Variants in ARAP2 observed in about 807,000 individuals in gnomAD.
The protein encoded by ARAP2 is arf-GAP with Rho-GAP domain, ANK repeat and PH domain-containing protein 2.
In ARAP2, 148 loss-of-function variants were observed where a neutral mutation model predicts 194.5. That is an observed-to-expected ratio of 0.76 (90% CI 0.67 to 0.87). The LOEUF (loss-of-function observed/expected upper bound fraction) is 0.87, where lower values mean the gene tolerates loss of function less well. ARAP2 is among the 40% of genes least tolerant of loss of function. The probability of loss-of-function intolerance (pLI) is 0.00; values close to 1 mark genes in which losing one functional copy is unlikely to be tolerated. For synonymous variants in ARAP2, 695 were observed against 683.5 expected (o/e 1.02, Z -0.26); for missense variants, 2,128 against 1,989.7 (o/e 1.07, Z -1.32).
intron 22 of ARAP2, among the ~76,000 whole-genome samples, chr4:36,122,017 C>T (rs1230753027): frequency 2.0e-5 from 3 of 151,128 alleles, no homozygotes; most frequent in East Asian, 2.0e-4. Context: ...AAACTGTTTA[C>T]GAATAAGTAT....
At chr4:36,133,555 A>T (rs1215462765) in intron 19 of ARAP2, among the ~76,000 whole-genome samples, 166 bp from the exon 20 acceptor site, 2 of 151,736 alleles carry the variant, frequency 1.3e-5, no homozygotes, top group African/African-American at 4.8e-5. Flanking sequence ...GCATAGTCAC[A>T]TCACTCCATA....
chr4:36,188,634 T>G (rs562117194), intron 7 of ARAP2, among the ~76,000 whole-genome samples: 1 of 152,256 alleles, frequency 6.6e-6, no homozygotes, highest in Non-Finnish European at 1.5e-5. Context: ...CAAGGACACA[T>G]TATAGAAGGT....
intron 26 of ARAP2, among the ~76,000 whole-genome samples, chr4:36,113,601 T>A (rs1056686778): frequency 6.6e-6 from 1 of 151,788 alleles, no homozygotes; most frequent in Admixed American, 6.6e-5. Flanking sequence ...TGTGTATTAT[T>A]TTTTTTTCTG....
chr4:36,169,685 C>A (rs952108002), intron 9 of ARAP2, among the ~76,000 whole-genome samples: 1 of 152,098 alleles, frequency 6.6e-6, no homozygotes, highest in Non-Finnish European at 1.5e-5. Flanking sequence ...GTGTGCACCA[C>A]CAGGCCCAGC....
At chr4:36,178,045 T>A (rs376646938) in intron 8 of ARAP2, 40 bp from the exon 9 acceptor site, 33 of 1,525,970 alleles carry the variant, frequency 2.2e-5, no homozygotes, top group Non-Finnish European at 2.8e-5. Context: ...AATCCACATA[T>A]AAGTTACATA....
intron 9 of ARAP2, among the ~76,000 whole-genome samples, chr4:36,010,025 T>C (rs572955294): frequency 6.6e-6 from 1 of 152,124 alleles, no homozygotes; most frequent in Admixed American, 6.5e-5. Context: ...TCCTCAGTTG[T>C]ATACTGTACT....
intron 2 of ARAP2, among the ~76,000 whole-genome samples, chr4:36,215,921 T>A (rs1349698792): frequency 6.6e-6 from 1 of 151,982 alleles, no homozygotes; most frequent in Non-Finnish European, 1.5e-5. Context: ...TAGAGAGACC[T>A]TGTCTCTACA....
chr4:36,037,409 A>C (rs948996635), intron 5 of ARAP2, among the ~76,000 whole-genome samples: 2 of 152,200 alleles, frequency 1.3e-5, no homozygotes, highest in Non-Finnish European at 2.9e-5. Flanking sequence ...AGAGGAGATT[A>C]GCCATGCATG....
chr4:36,134,480 G>A (rs1726179665), intron 19 of ARAP2, among the ~76,000 whole-genome samples: 2 of 151,516 alleles, frequency 1.3e-5, no homozygotes, highest in Non-Finnish European at 3.0e-5. Flanking sequence ...AGATCTTCAT[G>A]TTGTTCTTTC....
chr4:36,088,873 A>T (rs1424739492), intron 28 of ARAP2, among the ~76,000 whole-genome samples: 1 of 152,148 alleles, frequency 6.6e-6, no homozygotes, highest in African/African-American at 2.4e-5. Flanking sequence ...GCATCTCCAC[A>T]ACAGAACACA....
chr4:36,187,695 C>A, intron 7 of ARAP2, 124 bp from the exon 8 acceptor site: 2 of 741,744 alleles, frequency 2.7e-6, no homozygotes, highest in South Asian at 3.3e-5. Flanking sequence ...TTTTTAAATG[C>A]CATACAAGTA....
chr4:36,239,285 G>GT (rs1753052316), intron 1 of ARAP2, among the ~76,000 whole-genome samples: 1 of 151,870 alleles, frequency 6.6e-6, no homozygotes, highest in African/African-American at 2.4e-5. Flanking sequence ...AGAAGAGAAA[G>GT]TATTAACACA....
At chr4:36,052,876 G>A (rs565869250) in intron 2 of ARAP2, among the ~76,000 whole-genome samples, 1 of 152,312 alleles carries the variant, frequency 6.6e-6, no homozygotes, top group Admixed American at 6.5e-5. Flanking sequence ...GCTGAAGCTG[G>A]AGAATGGTGA....
chr4:36,108,165 TG>T (rs1485530947), intron 26 of ARAP2, among the ~76,000 whole-genome samples: 1 of 151,872 alleles, frequency 6.6e-6, no homozygotes, highest in Non-Finnish European at 1.5e-5. Context: ...CCCAAAGTGG[TG>T]GGATGAACAG....
intron 30 of ARAP2, among the ~76,000 whole-genome samples, chr4:36,081,838 T>C (rs905690077): frequency 1.3e-5 from 2 of 151,786 alleles, no homozygotes; most frequent in African/African-American, 4.8e-5. Flanking sequence ...TAGTACAATC[T>C]CTAGAAATAC....
chr4:36,178,140 C>G, intron 8 of ARAP2, 135 bp from the exon 9 acceptor site: 1 of 723,526 alleles, frequency 1.4e-6, no homozygotes, highest in African/African-American at 1.8e-5. Context: ...CTAAATGCTA[C>G]TGTAAACAGA....
At chr4:36,160,404 C>T in intron 13 of ARAP2, 55 bp downstream of exon 13, 1 of 1,382,358 alleles carries the variant, frequency 7.2e-7, no homozygotes, top group Non-Finnish European at 9.5e-7. Flanking sequence ...AGAATCTTGG[C>T]ACATCATTAA....
intron 5 of ARAP2, among the ~76,000 whole-genome samples, chr4:36,020,642 C>A (rs949813688): frequency 1.3e-5 from 2 of 152,140 alleles, no homozygotes; most frequent in African/African-American, 2.4e-5. Flanking sequence ...CTGCATCATT[C>A]CATGAAATAT....
At chr4:36,127,028 G>T (rs1472660278) in intron 21 of ARAP2, among the ~76,000 whole-genome samples, 1 of 151,926 alleles carries the variant, frequency 6.6e-6, no homozygotes, top group Non-Finnish European at 1.5e-5. Flanking sequence ...TGGAGACAAG[G>T]TCTCACTATA....
Sources: allele counts gnomAD v4.1 joint callset (sites outside exome capture counted in the v4.1 genomes callset), GRCh38; gene constraint gnomAD v4.1.1; transcripts MANE v1.5; gene names NCBI Gene and HGNC (gene_info 2026-07-23, HGNC 2026-07-21).